Variants in CHST9 observed in about 807,000 individuals in gnomAD.
CHST9 encodes GalNAc-4-sulfotransferase 2.
In CHST9, 41 loss-of-function variants were observed where a neutral mutation model predicts 44.4. The ratio of observed to expected loss-of-function variants is 0.92; its 90% CI spans 0.72 to 1.20. CHST9 has a LOEUF of 1.20. Among genes scored for constraint, CHST9 ranks in the 50% most tolerant of loss-of-function variants. CHST9 has a pLI of 0.00. For synonymous variants in CHST9, 171 were observed against 178.4 expected, an observed-to-expected ratio of 0.96 and a Z score of 0.33; for missense variants, 504 against 516.5, an observed-to-expected ratio of 0.98 and a Z score of 0.23.
At chr18:27,110,684 T>A (rs1267146607) in intron 2 of CHST9, among the ~76,000 whole-genome samples, 1 of 152,164 alleles carries the variant, frequency 6.6e-6, no homozygotes, top group African/African-American at 2.4e-5. Flanking sequence ...GTATGACATG[T>A]CTCCCAGCAG....
chr18:27,140,530 A>C (rs917634536), intron 2 of CHST9, among the ~76,000 whole-genome samples: 5 of 152,210 alleles, frequency 3.3e-5, no homozygotes, highest in African/African-American at 1.2e-4. Flanking sequence ...TTTTCCCTTA[A>C]GTATTAAAAT....
intron 1 of CHST9, among the ~76,000 whole-genome samples, chr18:27,160,591 C>A (rs2058738159): frequency 6.6e-6 from 1 of 152,086 alleles, no homozygotes; most frequent in Non-Finnish European, 1.5e-5. Context: ...TGTGTCTCTG[C>A]CAGGCTTTGG....
intron 4 of CHST9, among the ~76,000 whole-genome samples, chr18:27,005,953 A>G (rs2057011100): frequency 6.6e-6 from 1 of 152,194 alleles, no homozygotes; most frequent in East Asian, 1.9e-4. Flanking sequence ...ATGAGAATCT[A>G]GGTCTATTAT....
chr18:26,983,782 T>C (rs1358951962), intron 4 of CHST9, among the ~76,000 whole-genome samples: 1 of 152,160 alleles, frequency 6.6e-6, no homozygotes, highest in African/African-American at 2.4e-5. Context: ...ACCACTGCCA[T>C]AGGCAATTAG....
intron 4 of CHST9, among the ~76,000 whole-genome samples, chr18:26,994,869 G>A (rs908262969): frequency 8.5e-5 from 13 of 152,194 alleles, no homozygotes; most frequent in Middle Eastern, 3.4e-3. Flanking sequence ...GATTACAGGC[G>A]TGAGCCATTG....
At position 26,994,676 on chromosome 18, in the gene CHST9, G is replaced by C. The variant is rs1055934916; in HGVS notation, c.202+29440C>G. On this transcript the variant is annotated intron_variant, in intron 4 of 5. Coordinates refer to ENST00000618847, the MANE Select transcript of CHST9 (RefSeq NM_031422.6). ...GCAACCTTGGCTCACTGCAACCTCT[G>C]CCTCCTGGGTTCAAGTGATTCTTTG... Among the ~76,000 whole-genome samples, 5 of 152,196 alleles carry C rather than the reference G, an allele frequency of 3.3e-5. No homozygotes were observed. In the East Asian group the frequency reaches 7.7e-4, roughly 24 times the overall value.
intron 4 of CHST9, among the ~76,000 whole-genome samples, chr18:26,986,650 T>C (rs1012857211): frequency 7.2e-5 from 11 of 152,174 alleles, no homozygotes; most frequent in African/African-American, 2.6e-4. Context: ...TTCCTCAAAA[T>C]TGACACTAAA....
At chr18:27,124,642 ATATGGAGTTTCAGGT>A (rs2143818851) in intron 2 of CHST9, among the ~76,000 whole-genome samples, 1 of 152,242 alleles carries the variant, frequency 6.6e-6, no homozygotes, top group Admixed American at 6.5e-5. Flanking sequence ...TGCTTTTTGG[ATATGGAGTTTCAGGT>A]TGCAGTTATA....
chr18:27,060,169 C>T (rs1297683516), intron 2 of CHST9, among the ~76,000 whole-genome samples: 1 of 152,088 alleles, frequency 6.6e-6, no homozygotes, highest in Non-Finnish European at 1.5e-5. Context: ...GTCTGCAACG[C>T]TATTGTAAAA....
chr18:26,949,989 C>T (rs1332853271), intron 4 of CHST9, among the ~76,000 whole-genome samples: 3 of 152,170 alleles, frequency 2.0e-5, no homozygotes, highest in South Asian at 2.1e-4. Flanking sequence ...CTTGCTGATA[C>T]CCTGATTTTA....
chr18:27,071,205 T>C (rs1215552414), intron 2 of CHST9, among the ~76,000 whole-genome samples: 1 of 152,206 alleles, frequency 6.6e-6, no homozygotes, highest in Non-Finnish European at 1.5e-5. Context: ...AGTTTCTCTT[T>C]CTCTAACTGG....
At chr18:27,128,309 G>A (rs28422861) in intron 2 of CHST9, among the ~76,000 whole-genome samples, 4,348 of 151,958 alleles carry the variant, frequency 0.029, 173 homozygotes, top group African/African-American at 0.094. Context: ...TTGCTCTGTC[G>A]CCCAGGCTGG....
At chr18:26,945,796 C>G (rs1480208484) in intron 4 of CHST9, among the ~76,000 whole-genome samples, 1 of 152,040 alleles carries the variant, frequency 6.6e-6, no homozygotes, top group African/African-American at 2.4e-5. Context: ...AGTGACATTG[C>G]TGGGTTATAT....
chr18:27,015,979 A>G (rs928733800), intron 4 of CHST9, among the ~76,000 whole-genome samples: 4 of 152,138 alleles, frequency 2.6e-5, no homozygotes, highest in Admixed American at 1.3e-4. Context: ...TGTGGATCCT[A>G]AATTCAAACC....
intron 1 of CHST9, among the ~76,000 whole-genome samples, chr18:27,173,966 T>G (rs1303216861): frequency 2.6e-5 from 4 of 152,012 alleles, no homozygotes; most frequent in Non-Finnish European, 4.4e-5. Flanking sequence ...TTCTTTTTGC[T>G]GAACCATTTG....
intron 4 of CHST9, among the ~76,000 whole-genome samples, chr18:26,989,267 A>G (rs1168391760): frequency 6.6e-6 from 1 of 152,208 alleles, no homozygotes; most frequent in Non-Finnish European, 1.5e-5. Context: ...AAATGAACAA[A>G]AGATTTGAAC....
At chr18:27,100,896 A>G (rs894213073) in intron 2 of CHST9, among the ~76,000 whole-genome samples, 4 of 152,236 alleles carry the variant, frequency 2.6e-5, no homozygotes, top group Admixed American at 6.5e-5. Context: ...AGTTCATCCT[A>G]ATTGATTTTG....
intron 5 of CHST9, among the ~76,000 whole-genome samples, chr18:26,930,083 A>G (rs1329741819): frequency 6.6e-6 from 1 of 152,308 alleles, no homozygotes. Context: ...AGTGAAACAC[A>G]CGCCCCTCTG....
At chr18:27,067,984 A>G (rs1035780334) in intron 2 of CHST9, among the ~76,000 whole-genome samples, 1 of 152,198 alleles carries the variant, frequency 6.6e-6, no homozygotes, top group South Asian at 2.1e-4. Context: ...CCCCAAGACT[A>G]TCTGAAACAT....
Sources: allele counts gnomAD v4.1 joint callset (sites outside exome capture counted in the v4.1 genomes callset), GRCh38; gene constraint gnomAD v4.1.1; transcripts MANE v1.5; gene names NCBI Gene and HGNC (gene_info 2026-07-23, HGNC 2026-07-21).